The following YES1 variants were observed in gnomAD, a reference collection of about 807,000 sequenced individuals.
YES1 encodes YES proto-oncogene 1, Src family tyrosine kinase.
Under a neutral mutation model 70.4 loss-of-function variants are expected in YES1, and 39 were observed. The ratio of observed to expected loss-of-function variants is 0.55; its 90% CI spans 0.43 to 0.72. YES1 has a LOEUF of 0.72. Ranked by LOEUF, YES1 falls within the 30% of genes least tolerant of loss-of-function variation. The pLI, the probability that YES1 is intolerant of heterozygous loss-of-function variation, is 0.00. For synonymous variants in YES1, 198 were observed against 218.6 expected, an observed-to-expected ratio of 0.91 and a Z score of 0.83; for missense variants, 495 against 644.8, an observed-to-expected ratio of 0.77 and a Z score of 2.52.
intron 1 of YES1, among the ~76,000 whole-genome samples, chr18:789,708 CAT>C (rs1906143194): frequency 6.6e-6 from 1 of 151,940 alleles, no homozygotes; most frequent in Non-Finnish European, 1.5e-5. Flanking sequence ...AAGGAAATAA[CAT>C]AAACAAATGA....
intron 1 of YES1, among the ~76,000 whole-genome samples, chr18:782,449 A>C (rs1198254370): frequency 2.6e-5 from 4 of 152,170 alleles, no homozygotes; most frequent in Non-Finnish European, 2.9e-5. Context: ...AGATGATAGG[A>C]AAGGTCCTAG....
At chr18:741,678 C>T (rs1213408372) in intron 8 of YES1, among the ~76,000 whole-genome samples, 1 of 152,024 alleles carries the variant, frequency 6.6e-6, no homozygotes, top group Non-Finnish European at 1.5e-5. Flanking sequence ...TGGCATGCAC[C>T]TGTAATCCCA....
chr18:751,488 T>C (rs1469445634), intron 3 of YES1, among the ~76,000 whole-genome samples: 1 of 152,226 alleles, frequency 6.6e-6, no homozygotes, highest in African/African-American at 2.4e-5. Flanking sequence ...CTACTGTTTA[T>C]GGCAGAACCA....
chr18:761,695 C>T (rs991693957), intron 1 of YES1, among the ~76,000 whole-genome samples: 4 of 152,190 alleles, frequency 2.6e-5, no homozygotes, highest in African/African-American at 9.7e-5. Context: ...CACATCTACG[C>T]ACTTATCTTT....
rs1906472223 is a variant in YES1 at position 795,115 on chromosome 18, A to T, written c.-9+16999T>A. 3.9e-5 allele frequency among the ~76,000 whole-genome samples: 6 copies of T among 152,174 alleles called. 1 individual carries two copies. The South Asian group carries it at 1.2e-3, about 32-fold the overall frequency. The stretch of plus-strand genomic sequence containing the variant: ...AATAAGGCCACATTCACAGGTACTG[A>T]GGGTTAGGACCCTTTTGGGGAACAT... On this transcript the variant is annotated intron_variant, in intron 1 of 11. Coordinates refer to ENST00000314574, the MANE Select transcript of YES1 (RefSeq NM_005433.4).
At chr18:765,730 G>C (rs978218415) in intron 1 of YES1, among the ~76,000 whole-genome samples, 1 of 152,130 alleles carries the variant, frequency 6.6e-6, no homozygotes, top group Non-Finnish European at 1.5e-5. Context: ...AGTAAAATAA[G>C]TGGGAATAAA....
In YES1 at chr18:739,945, CA is replaced by C. The variant is rs1273673838; in HGVS notation, c.1061-135del. The C allele has an allele frequency of 2.9e-5, 20 of 687,850 alleles. No homozygotes were observed. In the African/African-American group the frequency reaches 3.5e-4, roughly 12 times the overall value. The allele number at this position is 687,850 out of a possible 1,614,324, so 42.6% of individuals were successfully genotyped here. A position where few individuals can be genotyped will look rare whatever the true frequency, so the allele number is the denominator to read the frequency against. On this transcript the variant is annotated intron_variant, in intron 8 of 11. Transcript: ENST00000314574. ...TTTTTTTAAATTTTGTGCAGTTTTG[CA>C]GTTTCCAAATAATTATCTAGGTCCT... is the stretch of plus-strand genomic sequence containing the variant.
intron 1 of YES1, among the ~76,000 whole-genome samples, chr18:768,328 T>C (rs1220594426): frequency 6.6e-6 from 1 of 152,264 alleles, no homozygotes; most frequent in East Asian, 1.9e-4. Flanking sequence ...GCTGGGATTC[T>C]GACTGGGATT....
intron 1 of YES1, among the ~76,000 whole-genome samples, chr18:790,677 T>C (rs557549595): frequency 6.6e-6 from 1 of 152,114 alleles, no homozygotes; most frequent in South Asian, 2.1e-4. Flanking sequence ...CAGAACTAGA[T>C]AAAATGGCTA....
chr18:808,410 A>C (rs1361645330), intron 1 of YES1, among the ~76,000 whole-genome samples: 2 of 152,226 alleles, frequency 1.3e-5, no homozygotes, highest in East Asian at 3.8e-4. Context: ...GGAAGAAAAG[A>C]GATAATACAT....
At position 758,575 on chromosome 18, in the gene YES1, C is replaced by A. The variant is rs923369306; in HGVS notation, c.-8-1740G>T. On this transcript the variant is annotated intron_variant, in intron 1 of 11. Transcript: ENST00000314574. ...TCCAAGTATTCTCCCCACCTCTCTA[C>A]CTGCTAAAATCCTATCCTTTCACTG... Among the ~76,000 whole-genome samples the A allele has an allele frequency of 5.9e-5, 9 of 152,316 alleles. No homozygotes were observed. The East Asian group carries it at 1.2e-3, about 20-fold the overall frequency.
At chr18:792,488 T>C (rs557756458) in intron 1 of YES1, among the ~76,000 whole-genome samples, 3 of 151,934 alleles carry the variant, frequency 2.0e-5, no homozygotes, top group East Asian at 1.9e-4. Flanking sequence ...CACCTGTGAA[T>C]AGCACTATAC....
At chr18:763,365 C>G (rs757038970) in intron 1 of YES1, among the ~76,000 whole-genome samples, 2 of 152,018 alleles carry the variant, frequency 1.3e-5, no homozygotes, top group Admixed American at 1.3e-4. Flanking sequence ...AGCAGTTAGA[C>G]AAGTTATAAA....
chr18:755,104 TAA>T (rs1400113315), intron 2 of YES1, among the ~76,000 whole-genome samples: 1 of 152,224 alleles, frequency 6.6e-6, no homozygotes, highest in East Asian at 1.9e-4. Flanking sequence ...AAACTTTTGC[TAA>T]AGACTTAGAA....
chr18:796,284 A>G (rs192177480), intron 1 of YES1, among the ~76,000 whole-genome samples: 193 of 152,204 alleles, frequency 1.3e-3, no homozygotes, highest in Non-Finnish European at 4.6e-4. Flanking sequence ...AACCTCTTGA[A>G]GCCTATTTCT....
rs1462023222 is a variant in YES1 at position 742,983 on chromosome 18, A to G, written c.995T>C (p.Leu332Pro). Reference protein sequence around the residue: ...QIMKKLRHDKLVPLYAVVSEE... With the variant: ...QIMKKLRHDKPVPLYAVVSEE... ...AGAAACAACAGCATATAGTGGAACA[A>G]GTTTATCATGTCTTAATTTTTTCAT... Residue 332 changes from leucine to proline, a missense_variant, in exon 8 of 12, where the codon CTT becomes CCT. Physicochemically the swap from Leu to Pro is moderately conservative, Grantham distance 98 (BLOSUM62 -3). This residue lies in a region of YES1 where 385 missense variants were observed against 540.9 expected (regional missense o/e 0.71). Transcript: ENST00000314574. 1 of 1,610,756 alleles carries G rather than the reference A, an allele frequency of 6.2e-7. No individual in the cohort carries two copies. The highest frequency in any genetic ancestry group is 1.1e-5 in the South Asian group (1 of 89,706).
intron 1 of YES1, among the ~76,000 whole-genome samples, chr18:804,781 GCA>G (rs1907006140): frequency 6.6e-6 from 1 of 151,246 alleles, no homozygotes; most frequent in African/African-American, 2.4e-5. Flanking sequence ...GGGTGTGGTG[GCA>G]CACGCCTGTA....
chr18:756,285 G>GT (rs936180413), intron 2 of YES1, among the ~76,000 whole-genome samples: 1 of 151,072 alleles, frequency 6.6e-6, no homozygotes, highest in Non-Finnish European at 1.5e-5. Context: ...CCTACAGTGG[G>GT]GGGGGGCTCA....
intron 2 of YES1, among the ~76,000 whole-genome samples, chr18:752,700 T>C (rs748072109): frequency 2.0e-5 from 3 of 152,052 alleles, no homozygotes; most frequent in Non-Finnish European, 4.4e-5. Context: ...CTCAGCACTT[T>C]GGGAGGCCGA....
Sources: allele counts gnomAD v4.1 joint callset (sites outside exome capture counted in the v4.1 genomes callset), GRCh38; gene constraint gnomAD v4.1.1; regional missense constraint gnomAD v4.1.1; transcripts MANE v1.5; gene names NCBI Gene and HGNC (gene_info 2026-07-23, HGNC 2026-07-21).